DYNC1H1: variants seen among roughly 807,000 people sequenced by gnomAD.
DYNC1H1 encodes dynein cytoplasmic 1 heavy chain 1.
DYNC1H1 carries 51 observed loss-of-function variants against 527.1 expected under a neutral mutation model. That is an observed-to-expected ratio of 0.10 (90% CI 0.08 to 0.12). The LOEUF (loss-of-function observed/expected upper bound fraction) is 0.12. DYNC1H1 is among the 10% of genes least tolerant of loss of function. The pLI is 1.00. For missense variants in DYNC1H1, 2,771 were observed against 5,971.8 expected (o/e 0.46, Z 17.66); for synonymous variants, 2,189 against 2,278.8 (o/e 0.96, Z 1.12).
At chr14:102,040,143 C>T in intron 62 of DYNC1H1, 93 bp from the exon 63 acceptor site, 1 of 1,548,116 alleles carries the variant, frequency 6.5e-7, no homozygotes, top group East Asian at 2.2e-5. Flanking sequence ...CTGTGCCCGG[C>T]CTGTTTTCTC....
chr14:101,970,546 G>T (rs2047724870), intron 1 of DYNC1H1, among the ~76,000 whole-genome samples: 1 of 130,486 alleles, frequency 7.7e-6, no homozygotes, highest in African/African-American at 2.9e-5. Context: ...GCAGTGGCAC[G>T]ATCTCCGCTC....
At chr14:102,032,230 TC>T in intron 51 of DYNC1H1, 41 bp from the exon 52 acceptor site, 1 of 1,611,492 alleles carries the variant, frequency 6.2e-7, no homozygotes, top group Middle Eastern at 2.1e-4. Context: ...TGCTCTATCT[TC>T]TCCCACCCAT....
At position 102,005,926 on chromosome 14, in the gene DYNC1H1, C is replaced by T. The variant is rs769577090; in HGVS notation, c.5472C>T (p.Ser1824=). The T allele has an allele frequency of 1.9e-5, 30 of 1,614,120 alleles. 1 individual carries two copies. In the Middle Eastern group the frequency reaches 9.9e-4, roughly 53 times the overall value. Residue 1824 remains serine (S), a synonymous_variant, in exon 27 of 78, where the codon TCC becomes TCT. Transcript: ENST00000360184. The surrounding 1 kb of genome is among the most constrained non-coding windows in gnomAD (Gnocchi z 4.0). The part of the protein sequence containing the change: ...ELVHQRDVTR[S]LIKSKIDNAK... ...TTCACCAGAGAGATGTTACAAGGTC[C>T]TTGATCAAAAGCAAGATTGACAACG...
chr14:101,976,834 A>G (rs1316945837), intron 2 of DYNC1H1, among the ~76,000 whole-genome samples: 1 of 152,238 alleles, frequency 6.6e-6, no homozygotes, highest in Non-Finnish European at 1.5e-5. Flanking sequence ...AAAGCAATAC[A>G]TACAATACAA....
Position 102,017,701 on chromosome 14 carries a change from T to A in DYNC1H1, c.8177+197T>A. ...AAAAGCATTGGCCGGGCGCAGTGGC[T>A]TACGCCTATAATCCCAGCACTTTGG... On this transcript the variant is annotated intron_variant, in intron 40 of 77. Transcript: ENST00000360184. The surrounding 1 kb of genome is among the most constrained non-coding windows in gnomAD (Gnocchi z 4.6). The A allele has an allele frequency of 1.9e-6, 2 of 1,053,064 alleles. No individual in the cohort carries two copies. The highest frequency in any genetic ancestry group is 2.7e-6 in the Non-Finnish European group (2 of 729,960). The allele number at this position is 1,053,064 out of a possible 1,614,324, so 65.2% of individuals were successfully genotyped here. A position where few individuals can be genotyped will look rare whatever the true frequency, so the allele number is the denominator to read the frequency against.
At position 102,002,581 on chromosome 14, in the gene DYNC1H1, G is replaced by A. The variant is rs1439418431; in HGVS notation, c.4587G>A (p.Arg1529=). ...TCAGCTGGGAAGATAAGCTGAACAG[G>A]ATCATGGCTCTCTTTGATGTGTGGA... is the stretch of plus-strand genomic sequence containing the variant. ...DALSWEDKLN[R]IMALFDVWID... is the part of the protein sequence containing the mutation. Residue 1529 remains arginine (R), a synonymous_variant, in exon 22 of 78, where the codon AGG becomes AGA. Coordinates refer to ENST00000360184, the MANE Select transcript of DYNC1H1 (RefSeq NM_001376.5). The surrounding 1 kb of genome is among the most constrained non-coding windows in gnomAD (Gnocchi z 4.4). The A allele has an allele frequency of 6.2e-7, 1 of 1,614,230 alleles. No homozygotes were observed.
chr14:102,026,557 T>TC lies in DYNC1H1; in HGVS notation c.8638-17_8638-16insC, dbSNP rs764810529. 9 of 1,613,868 alleles carry TC rather than the reference T, an allele frequency of 5.6e-6. No individual in the cohort carries two copies. The highest frequency in any genetic ancestry group is 6.8e-6 in the Non-Finnish European group (8 of 1,180,000). ...ATTTTTTTCTAAGTAATTTGGGTAT[T>TC]ACCTTTTTTTCTATAGGATTACATC... is the stretch of plus-strand genomic sequence containing the variant. On this transcript the variant is annotated splice_polypyrimidine_tract_variant and intron_variant, in intron 43 of 77. Transcript: ENST00000360184.
Position 101,995,240 on chromosome 14 carries a change from C to T in DYNC1H1, c.3504C>T (p.Thr1168=). 6.2e-7 allele frequency: 1 copy of T among 1,614,218 alleles called. No homozygotes were observed. Among genetic ancestry groups the T allele is most frequent in the African/African-American group, 1.3e-5 (1 of 75,042 alleles). The change falls in exon 15 of 78, where the codon ACC becomes ACT. Residue 1168 remains threonine (T), a synonymous_variant. Transcript: ENST00000360184. The part of the protein sequence containing the change: ...VDTASTSDAV[T]FITYVQSLKR... ...CGGCCAGCACCTCCGATGCAGTGAC[C>T]TTCATCACCTATGTGCAGTCTTTGA...
intron 8 of DYNC1H1, 97 bp from the exon 9 acceptor site, chr14:101,987,356 C>G: frequency 4.5e-6 from 6 of 1,330,128 alleles, no homozygotes; most frequent in Non-Finnish European, 6.3e-6. Flanking sequence ...GTGCCTGGAG[C>G]ATTTGTCAAT....
chr14:102,010,685 G>T lies in DYNC1H1; in HGVS notation c.6406-55G>T. On this transcript the variant is annotated intron_variant, in intron 31 of 77. Coordinates refer to ENST00000360184, the MANE Select transcript of DYNC1H1 (RefSeq NM_001376.5). This position sits in a 1 kb window ranked among gnomAD's most constrained non-coding sequence, Gnocchi z 6.0. ...TGATCACGCACCTCCTGGGGATGCAGCGGGCAGTACTTGAGCCATGCTGCG... is the reference window on the plus strand; with the variant it reads ...TGATCACGCACCTCCTGGGGATGCATCGGGCAGTACTTGAGCCATGCTGCG... The T allele has an allele frequency of 1.9e-6, 3 of 1,605,580 alleles. No individual in the cohort carries two copies. Among genetic ancestry groups the T allele is most frequent in the Non-Finnish European group, 2.6e-6 (3 of 1,174,530 alleles).
rs528061864 is a variant in DYNC1H1, at chr14:102,003,504, C to T, written c.4883+539C>T. Among the ~76,000 whole-genome samples, 5 of 152,192 alleles carry T rather than the reference C, an allele frequency of 3.3e-5. No homozygotes were observed. In the East Asian group the frequency reaches 5.8e-4, roughly 18 times the overall value. On this transcript the variant is annotated intron_variant, in intron 23 of 77. Transcript: ENST00000360184. ...CTAGAACTTCTGACCTTAGGTGAGC[C>T]GCTCACCTAAGTCACCTAAGTGCTA... is the stretch of plus-strand genomic sequence containing the variant.
chr14:102,048,989 A>T (rs757551573), intron 74 of DYNC1H1: 29 of 442,826 alleles, frequency 6.5e-5, no homozygotes, highest in Non-Finnish European at 1.1e-4. Flanking sequence ...GTAGTAGGTT[A>T]CGGCCTGTGA....
rs758541839 is a variant in DYNC1H1 at position 102,038,588 on chromosome 14, G to A, written c.11037G>A (p.Leu3679=). The change falls in exon 58 of 78, where the codon CTG becomes CTA. Residue 3679 remains leucine (L), a synonymous_variant. Transcript: ENST00000360184. This position sits in a 1 kb window ranked among gnomAD's most constrained non-coding sequence, Gnocchi z 7.2. ...IDLSPSFVIF[L]STRDPTVEFP... is the part of the protein sequence containing the mutation. ...TGTCGCCATCGTTTGTCATCTTCCT[G>A]TCCACCCGGGATCCAACTGTAAGGA... is the stretch of plus-strand genomic sequence containing the variant. 4.3e-6 allele frequency: 7 copies of A among 1,614,196 alleles called. No individual in the cohort carries two copies. Among genetic ancestry groups the A allele is most frequent in the South Asian group, 1.1e-5 (1 of 91,080 alleles).
chr14:102,044,138 G>A lies in DYNC1H1; in HGVS notation c.12684+93G>A. ...CTGAGAGGCCAGACTCTGCGTGGAA[G>A]AGCGAGCTGACCCCTCGTGACCGCC... On this transcript the variant is annotated intron_variant, in intron 70 of 77. Transcript: ENST00000360184. The surrounding 1 kb of genome is among the most constrained non-coding windows in gnomAD (Gnocchi z 7.1). 4 of 1,587,918 alleles carry A rather than the reference G, an allele frequency of 2.5e-6. No homozygotes were observed.
intron 23 of DYNC1H1, among the ~76,000 whole-genome samples, chr14:102,003,626 T>C (rs1037216784): frequency 2.0e-5 from 3 of 152,184 alleles, no homozygotes; most frequent in Non-Finnish European, 2.9e-5. Context: ...ATTGGACAGA[T>C]TCTTTTAAAA....
Position 101,974,109 on chromosome 14 carries a change from T to C in DYNC1H1, c.257-1603T>C, listed in dbSNP as rs569929305. On this transcript the variant is annotated intron_variant, in intron 1 of 77. Coordinates refer to ENST00000360184, the MANE Select transcript of DYNC1H1 (RefSeq NM_001376.5). The stretch of plus-strand genomic sequence containing the variant: ...GCCCTTTCCTTTATTTATTTATTTA[T>C]TTTTTTTGAGATGGAGTTTCACTCT... Among the ~76,000 whole-genome samples, 27 of 152,038 alleles carry C rather than the reference T, an allele frequency of 1.8e-4. 1 individual carries two copies. In the East Asian group the frequency reaches 5.0e-3, roughly 28 times the overall value.
At chr14:101,990,968 C>T (rs1380089153) in intron 10 of DYNC1H1, among the ~76,000 whole-genome samples, 2 of 148,890 alleles carry the variant, frequency 1.3e-5, no homozygotes, top group Non-Finnish European at 3.0e-5. Context: ...GAGATGGCAT[C>T]ACTGCACTCC....
rs375822798 is a variant in DYNC1H1, at chr14:102,001,687, G to A, written c.4542+6G>A. On this transcript the variant is annotated splice_donor_region_variant and intron_variant, in intron 21 of 77. Transcript: ENST00000360184. This position sits in a 1 kb window ranked among gnomAD's most constrained non-coding sequence, Gnocchi z 5.0. ...AGCTCTCTCCGTATTACAAGGTGCT[G>A]TTGCTGGGGAAGCTTTCCCTCCCCA... 66 of 1,613,930 alleles carry A rather than the reference G, an allele frequency of 4.1e-5. No individual in the cohort carries two copies. In the South Asian group the frequency reaches 6.7e-4, roughly 16 times the overall value.
At chr14:102,046,040 C>T (rs2048713116) in intron 72 of DYNC1H1, among the ~76,000 whole-genome samples, 1 of 151,712 alleles carries the variant, frequency 6.6e-6, no homozygotes, top group African/African-American at 2.4e-5. Context: ...TGGTGGCGGG[C>T]ACCTGTAGTC....
Sources: allele counts gnomAD v4.1 joint callset (sites outside exome capture counted in the v4.1 genomes callset), GRCh38; gene constraint gnomAD v4.1.1; non-coding constraint Gnocchi (gnomAD v3.1); transcripts MANE v1.5; gene names NCBI Gene and HGNC (gene_info 2026-07-23, HGNC 2026-07-21).